Variants in CASP8 observed in about 807,000 individuals in gnomAD.
CASP8 encodes caspase-8.
CASP8 carries 24 observed loss-of-function variants against 46.3 expected under a neutral mutation model. The ratio of observed to expected loss-of-function variants is 0.52; its 90% CI spans 0.38 to 0.73. CASP8 has a LOEUF of 0.73. CASP8 is among the 30% of genes least tolerant of loss of function. The probability of loss-of-function intolerance (pLI) is 0.00; values close to 1 mark genes in which losing one functional copy is unlikely to be tolerated. For synonymous variants in CASP8, 188 were observed against 200.4 expected (o/e 0.94, Z 0.52); for missense variants, 460 against 559.0 (o/e 0.82, Z 1.79).
chr2:201,265,291 C>T (rs1559348309), intron 1 of CASP8, among the ~76,000 whole-genome samples: 1 of 151,202 alleles, frequency 6.6e-6, no homozygotes, highest in Non-Finnish European at 1.5e-5. Context: ...AGGAGGATTG[C>T]TTGAACCTGG....
intron 6 of CASP8, among the ~76,000 whole-genome samples, chr2:201,275,706 G>T (rs1235630931): frequency 1.3e-5 from 2 of 152,176 alleles, no homozygotes; most frequent in Admixed American, 6.5e-5. Context: ...TAAAAACACT[G>T]TCTTAATATC....
At chr2:201,237,437 G>GT (rs1249206285) in intron 2 of CASP8, among the ~76,000 whole-genome samples, 13 of 74,348 alleles carry the variant, frequency 1.7e-4, no homozygotes, top group Non-Finnish European at 2.9e-4. Context: ...GATCTTCAGA[G>GT]TAAAAAAAAA....
Position 201,284,960 on chromosome 2 carries a change from C to T in CASP8, c.947C>T (p.Ser316Phe), listed in dbSNP as rs762734568. 1.9e-6 allele frequency: 3 copies of T among 1,614,134 alleles called. No individual in the cohort carries two copies. Among genetic ancestry groups the T allele is most frequent in the South Asian group, 1.1e-5 (1 of 91,082 alleles). ...GACTGCTTCATCTGCTGTATCCTCT[C>T]CCATGGAGACAAGGGCATCATCTAT... is the stretch of plus-strand genomic sequence containing the variant. ...NMDCFICCILSHGDKGIIYGT... is the reference protein window; with the variant it reads ...NMDCFICCILFHGDKGIIYGT... Residue 316 changes from serine (S) to phenylalanine (F), a missense_variant, in exon 8 of 9, where the codon TCC becomes TTC. Transcript: ENST00000673742.
At chr2:201,275,445 A>G in intron 6 of CASP8, among the ~76,000 whole-genome samples, 1 of 152,218 alleles carries the variant, frequency 6.6e-6, no homozygotes, top group African/African-American at 2.4e-5. Flanking sequence ...TTTTAGGCAT[A>G]ATAACTTCTC....
rs139425100 is a variant in CASP8, at chr2:201,281,869, T to G, written c.803-2947T>G. On this transcript the variant is annotated intron_variant, in intron 7 of 8. Transcript: ENST00000673742. ...GTTTTTAGCTGGTGGCAATAAATAT[T>G]AGAAGCCTGCAGAATCCAGCTACGA... The G allele has an allele frequency of 2.1e-4, 305 of 1,481,774 alleles. No homozygotes were observed. The African/African-American group carries it at 3.5e-3, about 17-fold the overall frequency. 91.8% of individuals were successfully genotyped at this position (1,481,774 alleles called of 1,614,324 possible). A position where few individuals can be genotyped will look rare whatever the true frequency, so the allele number is the denominator to read the frequency against.
rs776654685 is a variant in CASP8 at position 201,276,871 on chromosome 2, C to G, written c.705C>G (p.Tyr235Ter). 9.3e-6 allele frequency: 15 copies of G among 1,613,990 alleles called. No homozygotes were observed. The highest frequency in any genetic ancestry group is 1.3e-5 in the Non-Finnish European group (15 of 1,179,888). Reference protein sequence around the residue: ...VYQMKSKPRGYCLIINNHNFA... With the variant: ...VYQMKSKPRG ...AAATGAAAAGCAAACCTCGGGGATA[C>G]TGTCTGATCATCAACAATCACAATT... Residue 235 changes from tyrosine (Y) to a stop codon, truncating the protein, a stop_gained, in exon 7 of 9, where the codon TAC (tyrosine) becomes TAG (stop). Coordinates refer to ENST00000673742, the MANE Select transcript of CASP8 (RefSeq NM_001372051.1). LOFTEE classifies it high-confidence loss of function.
intron 2 of CASP8, among the ~76,000 whole-genome samples, chr2:201,250,754 C>T (rs184974744): frequency 1.3e-5 from 2 of 152,342 alleles, no homozygotes; most frequent in East Asian, 1.9e-4. Flanking sequence ...TGTGGTAGCA[C>T]GTCCTGAATC....
chr2:201,284,738 G>A, intron 7 of CASP8, 78 bp from the exon 8 acceptor site: 3 of 1,541,506 alleles, frequency 1.9e-6, no homozygotes, highest in Non-Finnish European at 2.7e-6. Context: ...ATCTATCAAT[G>A]TTATGCCCAC....
chr2:201,284,381 G>A (rs1254835675), intron 7 of CASP8, among the ~76,000 whole-genome samples: 1 of 76,292 alleles, frequency 1.3e-5, no homozygotes, highest in African/African-American at 4.7e-5. Flanking sequence ...TCCAGCCTGG[G>A]CACCATTGAG....
rs370650511 is a variant in CASP8, at chr2:201,279,769, A to G, written c.802+2801A>G. On this transcript the variant is annotated intron_variant, in intron 7 of 8. Coordinates refer to ENST00000673742, the MANE Select transcript of CASP8 (RefSeq NM_001372051.1). ...GGAGTTCAAGCCCAGCCTGACCAAC[A>G]TGGTGAAACCCCATCTCTACTAAAA... Among the ~76,000 whole-genome samples, 11 of 152,328 alleles carry G rather than the reference A, an allele frequency of 7.2e-5. No homozygotes were observed. In the East Asian group the frequency reaches 1.7e-3, roughly 24 times the overall value.
chr2:201,242,053 T>C (rs1342548488), intron 2 of CASP8: 1 of 152,200 alleles, frequency 6.6e-6, no homozygotes, highest in Non-Finnish European at 1.5e-5. Context: ...AGTCTCAACA[T>C]CATCAAGACC....
intron 6 of CASP8, among the ~76,000 whole-genome samples, chr2:201,275,525 A>G (rs1948580169): frequency 6.6e-6 from 1 of 152,258 alleles, no homozygotes; most frequent in African/African-American, 2.4e-5. Context: ...CATGGTAGGA[A>G]GAAGAGGAAA....
chr2:201,285,361 C>T (rs1483186879), intron 8 of CASP8, 44 bp downstream of exon 8: 12 of 1,599,690 alleles, frequency 7.5e-6, no homozygotes, highest in South Asian at 1.1e-5. Flanking sequence ...ACACTACCTT[C>T]CCCCCCTACT....
At chr2:201,251,636 C>A (rs552190785) in intron 2 of CASP8, among the ~76,000 whole-genome samples, 1 of 150,748 alleles carries the variant, frequency 6.6e-6, no homozygotes, top group African/African-American at 2.4e-5. Context: ...GGCGCAGTGG[C>A]TCACACCTGT....
At chr2:201,235,095 C>T (rs1025168979) in intron 2 of CASP8, among the ~76,000 whole-genome samples, 1 of 152,134 alleles carries the variant, frequency 6.6e-6, no homozygotes, top group Non-Finnish European at 1.5e-5. Context: ...TATAACTCTA[C>T]TGCTTGTCTG....
chr2:201,266,474 G>A lies in CASP8; in HGVS notation c.-13G>A. ...ATTTTGACTTAGATTATATTCTCCT[G>A]CCTTTTAAAAAGATGGACTTCAGCA... is the stretch of plus-strand genomic sequence containing the variant. On this transcript the variant is annotated 5_prime_UTR_variant, in exon 2 of 9. Transcript: ENST00000673742. The surrounding 1 kb of genome is among the most constrained non-coding windows in gnomAD (Gnocchi z 5.7). 2 of 1,611,920 alleles carry A rather than the reference G, an allele frequency of 1.2e-6. No homozygotes were observed. Among genetic ancestry groups the A allele is most frequent in the South Asian group, 1.1e-5 (1 of 91,042 alleles).
intron 1 of CASP8, among the ~76,000 whole-genome samples, chr2:201,264,699 G>A (rs1947670151): frequency 1.3e-5 from 2 of 152,148 alleles, no homozygotes; most frequent in African/African-American, 4.8e-5. Flanking sequence ...TGGTGTGGTA[G>A]TTTGCTCCTG....
upstream of CASP8, among the ~76,000 whole-genome samples, chr2:201,255,580 G>C (rs1275952636): frequency 6.6e-6 from 1 of 152,166 alleles, no homozygotes; most frequent in Non-Finnish European, 1.5e-5. Context: ...GATGTGTACA[G>C]GGGCTAAGAG....
Position 201,266,444 on chromosome 2 carries a change from C to G in CASP8, c.-26-17C>G. ...ACTTTTCTTCCTTATCTGAACATAC[C>G]ATTTATTTTGACTTAGATTATATTC... On this transcript the variant is annotated splice_polypyrimidine_tract_variant and intron_variant, in intron 1 of 8. Coordinates refer to ENST00000673742, the MANE Select transcript of CASP8 (RefSeq NM_001372051.1). The surrounding 1 kb of genome is among the most constrained non-coding windows in gnomAD (Gnocchi z 5.7). The G allele has an allele frequency of 6.3e-7, 1 of 1,584,306 alleles. No homozygotes were observed. Among genetic ancestry groups the G allele is most frequent in the Non-Finnish European group, 8.7e-7 (1 of 1,153,096 alleles).
Sources: gnomAD v4.1 joint callset for allele counts (sites outside exome capture counted in the v4.1 genomes callset) on GRCh38, gnomAD v4.1.1 for gene constraint, Gnocchi (gnomAD v3.1) non-coding constraint, MANE v1.5 for transcripts, NCBI Gene and HGNC (gene_info 2026-07-23, HGNC 2026-07-21) for gene names.